MAPKAP1: variants seen among roughly 807,000 people sequenced by gnomAD.
MAPKAP1 encodes target of rapamycin complex 2 subunit MAPKAP1.
In MAPKAP1, 20 loss-of-function variants were observed where a neutral mutation model predicts 65.7. That is an observed-to-expected ratio of 0.30 (90% CI 0.21 to 0.44). MAPKAP1 has a LOEUF of 0.44. Ranked by LOEUF, MAPKAP1 falls within the 20% of genes least tolerant of loss-of-function variation. The pLI is 1.00. For missense variants in MAPKAP1, 423 were observed against 648.0 expected (o/e 0.65, Z 3.77); for synonymous variants, 222 against 244.3 (o/e 0.91, Z 0.85).
chr9:125,444,914 A>G (rs771025354), intron 10 of MAPKAP1, among the ~76,000 whole-genome samples: 4 of 152,206 alleles, frequency 2.6e-5, no homozygotes, highest in Non-Finnish European at 5.9e-5. Flanking sequence ...TTAAGGGAGA[A>G]GGCTAATTAA....
intron 10 of MAPKAP1, among the ~76,000 whole-genome samples, chr9:125,446,831 C>T (rs1477371427): frequency 6.6e-6 from 1 of 152,160 alleles, no homozygotes; most frequent in African/African-American, 2.4e-5. Flanking sequence ...CAAACCAAAC[C>T]TCAAAGCACT....
chr9:125,693,728 C>CACATATATACACGTATATAT (rs1564620383), intron 1 of MAPKAP1, among the ~76,000 whole-genome samples: 2 of 128,412 alleles, frequency 1.6e-5, no homozygotes, highest in Admixed American at 1.6e-4. Flanking sequence ...CACGTATATA[C>CACATATATACACGTATATAT]ACATATATAC....
chr9:125,680,888 A>T (rs1048275205), intron 1 of MAPKAP1, among the ~76,000 whole-genome samples: 1 of 152,238 alleles, frequency 6.6e-6, no homozygotes, highest in Non-Finnish European at 1.5e-5. Context: ...AGAAGACTTC[A>T]GGAAGGAAGG....
chr9:125,556,437 C>T (rs770539535), intron 6 of MAPKAP1, among the ~76,000 whole-genome samples: 1 of 152,196 alleles, frequency 6.6e-6, no homozygotes, highest in African/African-American at 2.4e-5. Context: ...TCAGGGATGG[C>T]GTCAAATCCA....
intron 6 of MAPKAP1, among the ~76,000 whole-genome samples, chr9:125,557,051 T>C (rs1830756415): frequency 6.6e-6 from 1 of 152,232 alleles, no homozygotes; most frequent in African/African-American, 2.4e-5. Context: ...GGGCTATGTG[T>C]GTGTCTGGGA....
intron 6 of MAPKAP1, among the ~76,000 whole-genome samples, chr9:125,558,055 C>A (rs1830790980): frequency 6.6e-6 from 1 of 152,114 alleles, no homozygotes; most frequent in African/African-American, 2.4e-5. Flanking sequence ...CGGGGTTTCA[C>A]CATGTTGGCC....
At chr9:125,688,401 G>T (rs541261320) in intron 1 of MAPKAP1, among the ~76,000 whole-genome samples, 82 of 152,246 alleles carry the variant, frequency 5.4e-4, no homozygotes, top group Non-Finnish European at 8.7e-4. Flanking sequence ...GCCTCCCAAA[G>T]TACGGGGGTT....
intron 7 of MAPKAP1, among the ~76,000 whole-genome samples, chr9:125,510,298 A>G (rs1444320878): frequency 2.0e-5 from 3 of 152,274 alleles, no homozygotes; most frequent in African/African-American, 7.2e-5. Flanking sequence ...GCCATAGTTT[A>G]TACCATAAAT....
At chr9:125,686,589 TG>T (rs1834986239) in intron 1 of MAPKAP1, among the ~76,000 whole-genome samples, 1 of 152,192 alleles carries the variant, frequency 6.6e-6, no homozygotes, top group South Asian at 2.1e-4. Flanking sequence ...AGGTTTATCC[TG>T]GAGCCCATCT....
chr9:125,459,854 G>GGAAAGAGGGAGAGGGAGA (rs71374270), intron 10 of MAPKAP1, among the ~76,000 whole-genome samples: 1 of 127,442 alleles, frequency 7.8e-6, no homozygotes, highest in African/African-American at 3.0e-5. Flanking sequence ...GGGAGACCGT[G>GGAAAGAGGGAGAGGGAGA]GGGAGAGGGA....
intron 1 of MAPKAP1, among the ~76,000 whole-genome samples, chr9:125,694,283 G>C (rs1181279553): frequency 6.6e-6 from 1 of 151,608 alleles, no homozygotes; most frequent in Non-Finnish European, 1.5e-5. Context: ...AGCCAAGATG[G>C]TGCCATCGCA....
At chr9:125,690,866 T>C (rs1182251789) in intron 1 of MAPKAP1, among the ~76,000 whole-genome samples, 1 of 152,166 alleles carries the variant, frequency 6.6e-6, no homozygotes, top group African/African-American at 2.4e-5. Flanking sequence ...AACAGAAGAC[T>C]AGTTATAAAG....
chr9:125,440,905 G>A (rs1015649855), intron 11 of MAPKAP1, among the ~76,000 whole-genome samples: 5 of 152,114 alleles, frequency 3.3e-5, no homozygotes, highest in African/African-American at 9.7e-5. Flanking sequence ...TGTATTTTTG[G>A]CACATATAAC....
chr9:125,533,199 CTCAAT>C (rs1003433456), intron 7 of MAPKAP1, among the ~76,000 whole-genome samples: 2 of 152,080 alleles, frequency 1.3e-5, no homozygotes, highest in African/African-American at 4.8e-5. Flanking sequence ...TAGGCTTTTT[CTCAAT>C]TCTTTTTCCC....
chr9:125,501,160 AGAAACTCTG>A (rs1354648916), intron 8 of MAPKAP1, among the ~76,000 whole-genome samples: 2 of 152,226 alleles, frequency 1.3e-5, no homozygotes, highest in Non-Finnish European at 2.9e-5. Context: ...TGCTCACCTT[AGAAACTCTG>A]GAACGAACAA....
intron 1 of MAPKAP1, among the ~76,000 whole-genome samples, chr9:125,675,517 A>G (rs1834618844): frequency 6.6e-6 from 1 of 152,186 alleles, no homozygotes; most frequent in Non-Finnish European, 1.5e-5. Flanking sequence ...CTCTATTAGG[A>G]CACTATGACT....
intron 5 of MAPKAP1, among the ~76,000 whole-genome samples, chr9:125,577,494 G>A (rs1459042244): frequency 7.3e-6 from 1 of 136,546 alleles, no homozygotes; most frequent in Admixed American, 7.2e-5. Context: ...GGGCACCTCT[G>A]CCAGGCCACC....
At chr9:125,470,622 G>A (rs1325391319) in intron 9 of MAPKAP1, among the ~76,000 whole-genome samples, 1 of 152,154 alleles carries the variant, frequency 6.6e-6, no homozygotes, top group East Asian at 1.9e-4. Context: ...TGCATCAATT[G>A]CCTAAGCTCT....
intron 7 of MAPKAP1, among the ~76,000 whole-genome samples, chr9:125,517,086 C>A (rs1336247348): frequency 1.3e-5 from 2 of 152,158 alleles, no homozygotes; most frequent in Non-Finnish European, 2.9e-5. Context: ...AAGTCATGTA[C>A]CCACGGTGAG....
Sources: gnomAD v4.1 joint callset for allele counts (sites outside exome capture counted in the v4.1 genomes callset) on GRCh38, gnomAD v4.1.1 for gene constraint, MANE v1.5 for transcripts, NCBI Gene and HGNC (gene_info 2026-07-23, HGNC 2026-07-21) for gene names.